The following RASEF variants were observed in gnomAD, a reference collection of about 807,000 sequenced individuals.
RASEF encodes the protein RAS and EF-hand domain containing.
RASEF carries 68 observed loss-of-function variants against 90.1 expected under a neutral mutation model. The observed-to-expected ratio is 0.75, with a 90% CI of 0.62 to 0.92. The LOEUF (loss-of-function observed/expected upper bound fraction) is 0.92, where lower values mean the gene tolerates loss of function less well. Among genes scored for constraint, RASEF ranks in the 40% least tolerant of loss-of-function variants. The pLI is 0.00. For missense variants in RASEF, 949 were observed against 937.2 expected (o/e 1.01, Z -0.16); for synonymous variants, 331 against 345.2 (o/e 0.96, Z 0.46).
the RASEF span, among the ~76,000 whole-genome samples, chr9:83,159,339 C>T: frequency 1.8e-3 from 280 of 152,188 alleles, no homozygotes; most frequent in African/African-American, 6.2e-3. Context: ...GAAAATTTTA[C>T]GAACAAGTCC....
intron 16 of RASEF, among the ~76,000 whole-genome samples, chr9:82,984,787 C>T (rs866612303): frequency 1.4e-4 from 21 of 152,166 alleles, no homozygotes; most frequent in Admixed American, 3.9e-4. Context: ...AAATCTTGGT[C>T]GTTCTGTCAT....
chr9:83,200,649 C>T, the RASEF span, among the ~76,000 whole-genome samples: 1 of 152,186 alleles, frequency 6.6e-6, no homozygotes. Flanking sequence ...TTTTGTCTCA[C>T]TCCACTGGAA....
At chr9:83,204,272 G>A in the RASEF span, among the ~76,000 whole-genome samples, 1 of 152,078 alleles carries the variant, frequency 6.6e-6, no homozygotes, top group Non-Finnish European at 1.5e-5. Flanking sequence ...CAGGCACAGG[G>A]ATACCATGTG....
At chr9:83,196,451 ACT>A in the RASEF span, among the ~76,000 whole-genome samples, 8 of 151,942 alleles carry the variant, frequency 5.3e-5, no homozygotes, top group Non-Finnish European at 1.2e-4. Flanking sequence ...ATAAACCCTG[ACT>A]CTCATCCACA....
intron 1 of RASEF, among the ~76,000 whole-genome samples, chr9:83,036,213 T>C (rs895529556): frequency 6.6e-6 from 1 of 152,138 alleles, no homozygotes; most frequent in Admixed American, 6.5e-5. Flanking sequence ...TAAAACAAAT[T>C]AAGCTTGGAC....
chr9:83,065,275 C>T (rs1830273751), upstream of RASEF, among the ~76,000 whole-genome samples: 1 of 152,250 alleles, frequency 6.6e-6, no homozygotes, highest in African/African-American at 2.4e-5. Context: ...TTGGGCAGGG[C>T]TCAGCTAGGT....
At chr9:83,163,479 G>A in the RASEF span, among the ~76,000 whole-genome samples, 1 of 152,158 alleles carries the variant, frequency 6.6e-6, no homozygotes, top group Admixed American at 6.6e-5. Context: ...ACTGGATAAA[G>A]TAGACAGCAT....
the RASEF span, among the ~76,000 whole-genome samples, chr9:83,191,148 G>C: frequency 6.6e-6 from 1 of 152,110 alleles, no homozygotes; most frequent in Non-Finnish European, 1.5e-5. Context: ...TCTAATGAGA[G>C]ACTATCCCTG....
chr9:83,013,702 A>G lies in RASEF; in HGVS notation c.766-1191T>C, dbSNP rs181564145. 7.5e-4 allele frequency among the ~76,000 whole-genome samples: 114 copies of G among 152,326 alleles called. 1 individual carries two copies. The highest frequency in any genetic ancestry group is 2.5e-3 in the African/African-American group (105 of 41,568). ...AGTTATTAGCTGTGTGACTCTGAAC[A>G]AGTTAGTTAACCTCCCTGGAACTCA... On this transcript the variant is annotated intron_variant, in intron 4 of 16. Transcript: ENST00000376447.
intron 1 of RASEF, among the ~76,000 whole-genome samples, 176 bp downstream of exon 1, chr9:83,062,261 C>G (rs1169497881): frequency 1.3e-5 from 2 of 152,100 alleles, no homozygotes; most frequent in African/African-American, 4.8e-5. Flanking sequence ...TCTCTGACTC[C>G]TTTTTCTTAA....
At chr9:83,139,616 G>C in the RASEF span, among the ~76,000 whole-genome samples, 1 of 152,146 alleles carries the variant, frequency 6.6e-6, no homozygotes, top group African/African-American at 2.4e-5. Context: ...GGCTGAGGAG[G>C]AGGAGGAACA....
chr9:83,006,822 G>A (rs547312855), intron 7 of RASEF, among the ~76,000 whole-genome samples: 36 of 152,262 alleles, frequency 2.4e-4, no homozygotes, highest in African/African-American at 7.5e-4. Flanking sequence ...GGCCGGGCGT[G>A]GTGGCTCATG....
rs1829996575 is a variant in RASEF, at chr9:83,049,284, A to G, written c.431+13153T>C. ...AAATCGACACACATTTACAAAATCAATGACATCAGAATTAGCAATAGTCAG... is the reference window on the plus strand; with the variant it reads ...AAATCGACACACATTTACAAAATCAGTGACATCAGAATTAGCAATAGTCAG... On this transcript the variant is annotated intron_variant, in intron 1 of 16. Transcript: ENST00000376447. 4 of 984,556 alleles carry G rather than the reference A, an allele frequency of 4.1e-6. No individual in the cohort carries two copies. The South Asian group carries it at 1.9e-4, about 46-fold the overall frequency. The allele number at this position is 984,556 out of a possible 1,614,324, so 61.0% of individuals were successfully genotyped here.
At chr9:83,026,316 T>G (rs1357928522) in intron 1 of RASEF, among the ~76,000 whole-genome samples, 2 of 152,180 alleles carry the variant, frequency 1.3e-5, no homozygotes, top group Non-Finnish European at 2.9e-5. Flanking sequence ...ACAGTGGGTG[T>G]ATTAGTCCAT....
At chr9:83,111,676 T>C in the RASEF span, among the ~76,000 whole-genome samples, 1 of 152,056 alleles carries the variant, frequency 6.6e-6, no homozygotes, top group South Asian at 2.1e-4. Flanking sequence ...TACATACAAT[T>C]GTCATTTTTT....
the RASEF span, among the ~76,000 whole-genome samples, chr9:83,188,710 G>A: frequency 2.6e-5 from 4 of 152,016 alleles, no homozygotes; most frequent in African/African-American, 7.3e-5. Flanking sequence ...TCCACCTACC[G>A]CAGCCCAGCT....
the RASEF span, among the ~76,000 whole-genome samples, chr9:83,190,174 A>G: frequency 4.6e-5 from 7 of 152,236 alleles, no homozygotes; most frequent in Non-Finnish European, 1.0e-4. Context: ...ACAAATTTCT[A>G]GGATTCAAGA....
At chr9:83,025,615 C>T (rs1184246531) in intron 2 of RASEF, among the ~76,000 whole-genome samples, 160 bp downstream of exon 2, 1 of 152,194 alleles carries the variant, frequency 6.6e-6, no homozygotes. Context: ...AGCTGACCTA[C>T]TTCTCCATTG....
At chr9:83,180,839 A>T in the RASEF span, among the ~76,000 whole-genome samples, 1 of 151,844 alleles carries the variant, frequency 6.6e-6, no homozygotes, top group South Asian at 2.1e-4. Flanking sequence ...ATGAGACTAG[A>T]CATGTAAGAG....
Sources: allele counts gnomAD v4.1 joint callset (sites outside exome capture counted in the v4.1 genomes callset), GRCh38; gene constraint gnomAD v4.1.1; transcripts MANE v1.5; gene names NCBI Gene and HGNC (gene_info 2026-07-23, HGNC 2026-07-21).